Variants in WDPCP observed in about 807,000 individuals in gnomAD.
The protein encoded by WDPCP is WD repeat containing planar cell polarity effector.
A neutral mutation model predicts 93.1 loss-of-function variants in WDPCP; 71 were observed. That is an observed-to-expected ratio of 0.76 (90% CI 0.63 to 0.93). The LOEUF (loss-of-function observed/expected upper bound fraction) is 0.93. WDPCP is among the 40% of genes least tolerant of loss of function. WDPCP has a pLI of 0.00. For missense variants in WDPCP, 844 were observed against 887.4 expected (o/e 0.95, Z 0.62); for synonymous variants, 315 against 315.0 (o/e 1.00, Z 0.00).
intron 6 of WDPCP, among the ~76,000 whole-genome samples, chr2:63,483,641 A>G (rs1700398457): frequency 6.6e-6 from 1 of 151,992 alleles, no homozygotes; most frequent in South Asian, 2.1e-4. Context: ...GAATAGAACC[A>G]TGGGCCTAAA....
At chr2:63,256,783 T>C (rs147349901) in intron 14 of WDPCP, among the ~76,000 whole-genome samples, 2 of 152,138 alleles carry the variant, frequency 1.3e-5, no homozygotes, top group Non-Finnish European at 2.9e-5. Flanking sequence ...ATATGCAACA[T>C]ACGAAAGATT....
intron 14 of WDPCP, among the ~76,000 whole-genome samples, chr2:63,203,451 C>T (rs1394278019): frequency 1.3e-5 from 2 of 152,252 alleles, no homozygotes; most frequent in East Asian, 3.9e-4. Flanking sequence ...TAACCATCTC[C>T]AACTCCCCAC....
intron 13 of WDPCP, among the ~76,000 whole-genome samples, chr2:63,300,802 G>C (rs997556529): frequency 6.6e-6 from 1 of 152,208 alleles, no homozygotes; most frequent in Non-Finnish European, 1.5e-5. Context: ...CTTAGCCTTT[G>C]GTCTGAAGAG....
chr2:63,835,361 G>T, the WDPCP span, among the ~76,000 whole-genome samples: 1 of 140,024 alleles, frequency 7.1e-6, no homozygotes, highest in Non-Finnish European at 1.5e-5. Flanking sequence ...CTTCACTCCA[G>T]CCTGGGTGAC....
At position 63,486,552 on chromosome 2, in the gene WDPCP, C is replaced by T. The variant is rs1206045016; in HGVS notation, c.243G>A (p.Lys81=). The change falls in exon 4 of 18, where the codon AAG becomes AAA. Residue 81 remains lysine, a synonymous_variant. Transcript: ENST00000272321. The stretch of plus-strand genomic sequence containing the variant: ...ATAAAGTAAGCTTACACTCTGCCAG[C>T]TTCTGCTTCTTTTCTAAGTTACCAT... ...TEHGNLEKKQ[K]LAESRDYPWT... The T allele has an allele frequency of 6.3e-7, 1 of 1,575,430 alleles. No individual in the cohort carries two copies. The highest frequency in any genetic ancestry group is 8.6e-7 in the Non-Finnish European group (1 of 1,157,394).
chr2:63,155,251 G>C (rs1672155005), intron 15 of WDPCP, among the ~76,000 whole-genome samples: 1 of 152,124 alleles, frequency 6.6e-6, no homozygotes, highest in African/African-American at 2.4e-5. Context: ...AAGTTTGATA[G>C]TTTTACATTT....
intron 13 of WDPCP, 100 bp from the exon 14 acceptor site, chr2:63,259,509 G>C (rs943025502): frequency 1.2e-4 from 109 of 944,714 alleles, no homozygotes; most frequent in Admixed American, 2.0e-4. Flanking sequence ...TTACAAAATA[G>C]AAACAGTTTG....
the WDPCP span, among the ~76,000 whole-genome samples, chr2:63,840,246 T>A: frequency 6.6e-6 from 1 of 152,140 alleles, no homozygotes; most frequent in African/African-American, 2.4e-5. Flanking sequence ...CGGTACCAGG[T>A]GTGATTTGAC....
intron 15 of WDPCP, among the ~76,000 whole-genome samples, chr2:63,172,307 A>G (rs1226245045): frequency 1.3e-5 from 2 of 152,174 alleles, no homozygotes. Flanking sequence ...GGAGTCTGAG[A>G]CCTGCCTGGG....
intron 10 of WDPCP, among the ~76,000 whole-genome samples, chr2:63,398,559 G>A (rs1381694490): frequency 2.0e-5 from 3 of 152,054 alleles, no homozygotes; most frequent in Non-Finnish European, 2.9e-5. Context: ...CTCTAGCCTT[G>A]GAGCAATGTT....
chr2:63,710,823 T>C (rs1245447081), intron 2 of WDPCP, among the ~76,000 whole-genome samples: 1 of 152,122 alleles, frequency 6.6e-6, no homozygotes, highest in African/African-American at 2.4e-5. Context: ...ATGTGGGAAA[T>C]AAACTAAAAC....
chr2:63,137,269 G>C (rs965534425), intron 17 of WDPCP, among the ~76,000 whole-genome samples: 1 of 152,166 alleles, frequency 6.6e-6, no homozygotes, highest in Non-Finnish European at 1.5e-5. Context: ...ACTCTGACTA[G>C]TGTGAGGTGG....
intron 10 of WDPCP, 130 bp downstream of exon 10, chr2:63,403,917 TA>T: frequency 7.8e-7 from 1 of 1,284,286 alleles, no homozygotes; most frequent in South Asian, 1.3e-5. Context: ...ACTATATGGA[TA>T]TTTGAAAGGC....
chr2:63,566,194 A>G (rs1195329994), intron 1 of WDPCP, among the ~76,000 whole-genome samples: 1 of 152,244 alleles, frequency 6.6e-6, no homozygotes, highest in Non-Finnish European at 1.5e-5. Flanking sequence ...ATCACCAAAG[A>G]AAACTCAAGC....
intron 1 of WDPCP, among the ~76,000 whole-genome samples, chr2:63,552,737 A>G (rs1159059251): frequency 6.6e-6 from 1 of 152,242 alleles, no homozygotes; most frequent in African/African-American, 2.4e-5. Flanking sequence ...AAAAGCTATA[A>G]ATCACTTAAT....
At chr2:63,386,828 C>CA (rs917117205) in intron 10 of WDPCP, among the ~76,000 whole-genome samples, 212 of 149,956 alleles carry the variant, frequency 1.4e-3, no homozygotes, top group African/African-American at 3.9e-3. Flanking sequence ...CACAGAAATA[C>CA]AAAAAAAAAC....
upstream of WDPCP, among the ~76,000 whole-genome samples, chr2:63,831,495 C>T (rs1001537991): frequency 1.3e-5 from 2 of 152,150 alleles, no homozygotes; most frequent in Non-Finnish European, 2.9e-5. Flanking sequence ...TTTGTCAATA[C>T]ACACTGCCAC....
chr2:63,444,305 T>C (rs1378352307), intron 6 of WDPCP, among the ~76,000 whole-genome samples: 1 of 152,158 alleles, frequency 6.6e-6, no homozygotes, highest in Non-Finnish European at 1.5e-5. Flanking sequence ...AAGGTATAAA[T>C]CAATTAATAA....
At chr2:63,293,403 C>T (rs534244154) in intron 13 of WDPCP, among the ~76,000 whole-genome samples, 11 of 151,976 alleles carry the variant, frequency 7.2e-5, no homozygotes, top group African/African-American at 2.7e-4. Context: ...AACAGCAAAC[C>T]CTGGAGAAGG....
Sources: allele counts gnomAD v4.1 joint callset (sites outside exome capture counted in the v4.1 genomes callset), GRCh38; gene constraint gnomAD v4.1.1; transcripts MANE v1.5; gene names NCBI Gene and HGNC (gene_info 2026-07-23, HGNC 2026-07-21).